Variants in LRRC59 observed in about 807,000 individuals in gnomAD.
LRRC59 encodes leucine-rich repeat-containing protein 59.
A neutral mutation model predicts 33.5 loss-of-function variants in LRRC59; 18 were observed. The observed-to-expected ratio is 0.54, with a 90% confidence interval of 0.37 to 0.80. The LOEUF is 0.80. Among genes scored for constraint, LRRC59 ranks in the 30% least tolerant of loss-of-function variants. LRRC59 has a pLI of 0.00. For synonymous variants in LRRC59, 138 were observed against 160.0 expected, an observed-to-expected ratio of 0.86 and a Z score of 1.04; for missense variants, 330 against 391.9, an observed-to-expected ratio of 0.84 and a Z score of 1.33.
intron 4 of LRRC59, among the ~76,000 whole-genome samples, chr17:50,390,352 C>T (rs909966230): frequency 6.6e-6 from 1 of 151,214 alleles, no homozygotes; most frequent in African/African-American, 2.4e-5. Flanking sequence ...ATTAGCCAGT[C>T]ATGGTGGCAT....
intron 1 of LRRC59, chr17:50,396,801 G>T (rs1914284396): frequency 4.1e-6 from 1 of 245,126 alleles, no homozygotes; most frequent in African/African-American, 2.2e-5. Context: ...GAAGAGCCAG[G>T]TTCTGGGCCA....
intron 4 of LRRC59, among the ~76,000 whole-genome samples, chr17:50,389,080 G>A (rs1914079848): frequency 6.6e-6 from 1 of 152,210 alleles, no homozygotes; most frequent in Non-Finnish European, 1.5e-5. Flanking sequence ...CTAATGGCCA[G>A]AAAGCAGCAC....
At position 50,384,540 on chromosome 17, in the gene LRRC59, C is replaced by T. The variant is rs539760418; in HGVS notation, c.676+578G>A. Among the ~76,000 whole-genome samples the T allele has an allele frequency of 8.5e-5, 13 of 152,174 alleles. No homozygotes were observed. The East Asian group carries it at 1.7e-3, about 20-fold the overall frequency. On this transcript the variant is annotated intron_variant, in intron 6 of 6. Transcript: ENST00000225972. ...CAGCACTTGGGGAGGCCGAGGCAGG[C>T]GGATTACCTGAGGTCGGGAGTTTGA... is the stretch of plus-strand genomic sequence containing the variant.
intron 2 of LRRC59, among the ~76,000 whole-genome samples, chr17:50,393,728 A>C (rs1914204882): frequency 6.6e-6 from 1 of 152,238 alleles, no homozygotes. Context: ...TGGATCTGAA[A>C]TGCAGAGTGA....
At chr17:50,393,674 T>TA (rs746650405) in intron 2 of LRRC59, among the ~76,000 whole-genome samples, 1 of 152,210 alleles carries the variant, frequency 6.6e-6, no homozygotes, top group Non-Finnish European at 1.5e-5. Context: ...CAACCTCAGC[T>TA]AATGAGGCAC....
chr17:50,385,410 A>G, intron 5 of LRRC59, 119 bp from the exon 6 acceptor site: 1 of 1,098,398 alleles, frequency 9.1e-7, no homozygotes, highest in Non-Finnish European at 1.3e-6. Flanking sequence ...GGTTCACATA[A>G]GAAATATTCA....
rs1567822192 is a variant in LRRC59, at chr17:50,392,482, C to T, written c.345G>A (p.Leu115=). The T allele has an allele frequency of 6.2e-7, 1 of 1,614,100 alleles. No homozygotes were observed. The highest frequency in any genetic ancestry group is 8.5e-7 in the Non-Finnish European group (1 of 1,179,972). The stretch of plus-strand genomic sequence containing the variant: ...GGACAGGATCCAGGGGGTTATCCTT[C>T]AGGTCCAACCACTTCAGGTTCTAAA... ...AQLKNLKWLD[L]KDNPLDPVLA... Residue 115 remains leucine, a synonymous_variant, in exon 4 of 7, where the codon CTG becomes CTA. Coordinates refer to ENST00000225972, the MANE Select transcript of LRRC59 (RefSeq NM_018509.4).
chr17:50,392,579 T>A, intron 3 of LRRC59, 77 bp from the exon 4 acceptor site: 1 of 1,470,958 alleles, frequency 6.8e-7, no homozygotes, highest in Non-Finnish European at 9.5e-7. Context: ...TGAAACAAAA[T>A]GAGCAGGAAG....
chr17:50,388,954 G>C (rs146863536), intron 4 of LRRC59, among the ~76,000 whole-genome samples: 10 of 152,310 alleles, frequency 6.6e-5, no homozygotes, highest in Non-Finnish European at 1.3e-4. Flanking sequence ...TATCACACAG[G>C]GGCGTGGCTA....
Position 50,383,094 on chromosome 17 carries a change from T to A in LRRC59, c.818A>T (p.Gln273Leu). ...LVACRVTELQ[Q>L]QPLCTSVNTI... ...GTTCACGCTGGTGCAGAGGGGCTGC[T>A]GCTGCAGCTCTGTCACCCGACAAGC... Residue 273 changes from glutamine to leucine, a missense_variant, in exon 7 of 7, where the codon CAG becomes CTG. Transcript: ENST00000225972. The A allele has an allele frequency of 1.2e-6, 2 of 1,604,816 alleles. No individual in the cohort carries two copies. The highest frequency in any genetic ancestry group is 1.7e-6 in the Non-Finnish European group (2 of 1,177,106).
chr17:50,385,650 A>G (rs576819419), intron 5 of LRRC59, among the ~76,000 whole-genome samples: 4 of 152,340 alleles, frequency 2.6e-5, no homozygotes, highest in Non-Finnish European at 5.9e-5. Flanking sequence ...GAACTCAGCT[A>G]TGAAGAGAAA....
At position 50,392,816 on chromosome 17, in the gene LRRC59, G is replaced by C. The variant is rs754404814; in HGVS notation, c.247C>G (p.Arg83Gly). The change falls in exon 3 of 7, where the codon CGT becomes GGT. Residue 83 changes from arginine to glycine, a missense_variant. Physicochemically the swap from Arg to Gly is moderately radical, Grantham distance 125. Transcript: ENST00000225972. ...KLQQLPADFGRLVNLQHLDLL... is the reference protein window; with the variant it reads ...KLQQLPADFGGLVNLQHLDLL... ...TCCAGGTGCTGGAGGTTGACCAGAC[G>C]GCCAAAGTCTGCTGGCAGCTGCTGC... 1 of 1,614,100 alleles carries C rather than the reference G, an allele frequency of 6.2e-7. No homozygotes were observed. Among genetic ancestry groups the C allele is most frequent in the Non-Finnish European group, 8.5e-7 (1 of 1,179,974 alleles).
chr17:50,385,232 G>A lies in LRRC59; in HGVS notation c.562C>T (p.Arg188Trp), dbSNP rs749579536. 14 of 1,614,048 alleles carry A rather than the reference G, an allele frequency of 8.7e-6. No individual in the cohort carries two copies. In the Admixed American group the frequency reaches 1.5e-4, roughly 17 times the overall value. The change falls in exon 6 of 7, where the codon CGG (arginine) becomes TGG (tryptophan). Residue 188 changes from arginine (R) to tryptophan (W), a missense_variant. Coordinates refer to ENST00000225972, the MANE Select transcript of LRRC59 (RefSeq NM_018509.4). ...TTCTCTTCCGCCTTCTCCCGCTTCC[G>A]CAGTTCCCGCTCCTGAGCTTCCTTA... Reference protein sequence around the residue: ...RAKEAQERELRKREKAEEKER... With the variant: ...RAKEAQERELWKREKAEEKER...
intron 4 of LRRC59, among the ~76,000 whole-genome samples, chr17:50,389,139 G>A (rs187493733): frequency 1.3e-5 from 2 of 152,202 alleles, no homozygotes; most frequent in East Asian, 1.9e-4. Context: ...AGAGCTTGTC[G>A]CACACACTTT....
chr17:50,392,925 A>G lies in LRRC59; in HGVS notation c.166-28T>C, dbSNP rs772304330. 33 of 1,601,998 alleles carry G rather than the reference A, an allele frequency of 2.1e-5. No individual in the cohort carries two copies. The East Asian group carries it at 7.0e-4, about 34-fold the overall frequency. On this transcript the variant is annotated intron_variant, in intron 2 of 6. Transcript: ENST00000225972. ...AGGATCCAAAGAGAGAACCTAAGCT[A>G]GGCTTGTCCAACACACGAGCCACGA...
At chr17:50,394,887 T>A in intron 2 of LRRC59, 42 bp downstream of exon 2, 19 of 1,319,498 alleles carry the variant, frequency 1.4e-5, no homozygotes, top group Non-Finnish European at 1.9e-5. Flanking sequence ...AGGAGATGCA[T>A]CCAAGGCACC....
chr17:50,385,348 C>T (rs1913979162), intron 5 of LRRC59, 57 bp from the exon 6 acceptor site: 2 of 1,563,704 alleles, frequency 1.3e-6, no homozygotes, highest in African/African-American at 2.7e-5. Context: ...CAGCAGTTTG[C>T]TTTCCCAAGT....
At chr17:50,392,335 A>T in intron 4 of LRRC59, 63 bp downstream of exon 4, 1 of 1,376,704 alleles carries the variant, frequency 7.3e-7, no homozygotes. Flanking sequence ...GGAGGGAAAA[A>T]CAGGAGGAGG....
chr17:50,391,017 TG>T (rs1166224867), intron 4 of LRRC59, among the ~76,000 whole-genome samples: 6 of 152,196 alleles, frequency 3.9e-5, no homozygotes, highest in African/African-American at 1.2e-4. Context: ...AATGGATGGA[TG>T]GATGAATGAA....
Sources: gnomAD v4.1 joint callset for allele counts (sites outside exome capture counted in the v4.1 genomes callset) on GRCh38, gnomAD v4.1.1 for gene constraint, MANE v1.5 for transcripts, NCBI Gene and HGNC (gene_info 2026-07-23, HGNC 2026-07-21) for gene names.